KLHL1: variants seen among roughly 807,000 people sequenced by gnomAD.
KLHL1 encodes kelch-like protein 1.
In KLHL1, 47 loss-of-function variants were observed where a neutral mutation model predicts 77.7. That is an observed-to-expected ratio of 0.60 (90% CI 0.48 to 0.77). The LOEUF (loss-of-function observed/expected upper bound fraction) is 0.77. Ranked by LOEUF, KLHL1 falls within the 30% of genes least tolerant of loss-of-function variation. The probability of loss-of-function intolerance (pLI) is 0.00; values close to 1 mark genes in which losing one functional copy is unlikely to be tolerated. For missense variants in KLHL1, 925 were observed against 910.8 expected, an observed-to-expected ratio of 1.02 and a Z score of -0.20; for synonymous variants, 360 against 325.2, an observed-to-expected ratio of 1.11 and a Z score of -1.15.
intron 7 of KLHL1, among the ~76,000 whole-genome samples, chr13:69,780,716 GTATA>G (rs1290786295): frequency 2.7e-4 from 13 of 47,692 alleles, no homozygotes; most frequent in African/African-American, 8.5e-4. Context: ...ATATATATAT[GTATA>G]TATATATATA....
intron 7 of KLHL1, among the ~76,000 whole-genome samples, chr13:69,788,191 G>C (rs1253390906): frequency 6.6e-6 from 1 of 152,158 alleles, no homozygotes; most frequent in African/African-American, 2.4e-5. Context: ...AAATCATGCT[G>C]CTATAAAGAT....
intron 4 of KLHL1, among the ~76,000 whole-genome samples, chr13:69,917,178 T>G (rs935463245): frequency 2.0e-5 from 3 of 152,004 alleles, no homozygotes; most frequent in Non-Finnish European, 4.4e-5. Flanking sequence ...AAAATTTTTA[T>G]GAGAAGTAGA....
intron 3 of KLHL1, among the ~76,000 whole-genome samples, chr13:69,949,438 C>T (rs1415770640): frequency 1.3e-5 from 2 of 151,784 alleles, no homozygotes; most frequent in Non-Finnish European, 2.9e-5. Context: ...GTTTCTGTCT[C>T]ATCCCATGCT....
At chr13:69,841,113 G>C (rs1410647612) in intron 5 of KLHL1, among the ~76,000 whole-genome samples, 1 of 151,628 alleles carries the variant, frequency 6.6e-6, no homozygotes, top group African/African-American at 2.4e-5. Context: ...AGCTTAACTA[G>C]ATAAATAGTT....
chr13:69,896,044 G>C (rs1214194015), intron 4 of KLHL1, among the ~76,000 whole-genome samples: 1 of 151,912 alleles, frequency 6.6e-6, no homozygotes, highest in Non-Finnish European at 1.5e-5. Flanking sequence ...CACATTGCTG[G>C]TAGAATTTGC....
chr13:69,913,393 G>A (rs145288884), intron 4 of KLHL1, among the ~76,000 whole-genome samples: 1 of 152,156 alleles, frequency 6.6e-6, no homozygotes, highest in Non-Finnish European at 1.5e-5. Flanking sequence ...ACTGCTCCTT[G>A]CTCAGCAGGG....
intron 9 of KLHL1, among the ~76,000 whole-genome samples, 160 bp downstream of exon 9, chr13:69,719,209 T>TGTGTGTGTGTGTGTGAGAGA (rs879782405): frequency 5.4e-5 from 2 of 36,864 alleles, no homozygotes; most frequent in Admixed American, 4.7e-4. Flanking sequence ...TGTGTGTGTG[T>TGTGTGTGTGTGTGTGAGAGA]GAGAGAGAGA....
At chr13:69,967,885 C>CA (rs34910448) in intron 2 of KLHL1, among the ~76,000 whole-genome samples, 4,599 of 135,180 alleles carry the variant, frequency 0.034, 232 homozygotes, top group African/African-American at 0.11. Flanking sequence ...GATGCTGAAT[C>CA]AAAAAAAAAA....
intron 8 of KLHL1, among the ~76,000 whole-genome samples, chr13:69,726,978 T>G: frequency 6.6e-6 from 1 of 152,114 alleles, no homozygotes; most frequent in East Asian, 1.9e-4. Context: ...CTGTGGAAAC[T>G]TATCAATGAA....
At chr13:70,001,103 T>C (rs1315705550) in intron 1 of KLHL1, among the ~76,000 whole-genome samples, 1 of 151,284 alleles carries the variant, frequency 6.6e-6, no homozygotes, top group African/African-American at 2.4e-5. Context: ...AAGTAGTATT[T>C]AATTATTTGT....
intron 5 of KLHL1, among the ~76,000 whole-genome samples, chr13:69,843,159 G>A (rs554380935): frequency 6.6e-6 from 1 of 151,684 alleles, no homozygotes; most frequent in African/African-American, 2.4e-5. Flanking sequence ...TAACAAAAAT[G>A]TATTGTTCTC....
At chr13:70,038,694 G>A (rs1324139039) in intron 1 of KLHL1, among the ~76,000 whole-genome samples, 5 of 141,766 alleles carry the variant, frequency 3.5e-5, no homozygotes, top group African/African-American at 1.3e-4. Flanking sequence ...GGGTACAAGT[G>A]AGTCTCCTGC....
At chr13:69,892,714 C>A (rs187806101) in intron 4 of KLHL1, among the ~76,000 whole-genome samples, 2 of 152,180 alleles carry the variant, frequency 1.3e-5, no homozygotes, top group Non-Finnish European at 1.5e-5. Context: ...TTCGGGAAAG[C>A]CTGTTATATG....
At chr13:70,026,928 A>G (rs568746048) in intron 1 of KLHL1, among the ~76,000 whole-genome samples, 38 of 152,252 alleles carry the variant, frequency 2.5e-4, no homozygotes, top group African/African-American at 8.9e-4. Context: ...TGTTTTATCA[A>G]TGTTATAAAA....
chr13:69,777,310 C>T (rs1376793982), intron 7 of KLHL1, among the ~76,000 whole-genome samples: 1 of 152,104 alleles, frequency 6.6e-6, no homozygotes, highest in African/African-American at 2.4e-5. Flanking sequence ...TAGACTAATA[C>T]AGCTCTATTA....
rs140161183 is a variant in KLHL1 at position 70,024,721 on chromosome 13, T to C, written c.498-48919A>G. Among the ~76,000 whole-genome samples the C allele has an allele frequency of 2.8e-3, 423 of 151,672 alleles. 2 individuals are homozygous for C. The highest frequency in any genetic ancestry group is 4.7e-3 in the Non-Finnish European group (316 of 67,786). On this transcript the variant is annotated intron_variant, in intron 1 of 10. Coordinates refer to ENST00000377844, the MANE Select transcript of KLHL1 (RefSeq NM_020866.3). ...CTTTCAGTTTAGGAGGGAACAATTA[T>C]GAACGGAAGTTGGAGAGAAGAACTC...
At chr13:70,075,275 A>G (rs2137422937) in intron 1 of KLHL1, among the ~76,000 whole-genome samples, 1 of 151,974 alleles carries the variant, frequency 6.6e-6, no homozygotes, top group African/African-American at 2.4e-5. Flanking sequence ...GAACTGCACA[A>G]GAGCAAAGGT....
chr13:70,047,477 T>C (rs925369067), intron 1 of KLHL1, among the ~76,000 whole-genome samples: 15 of 152,004 alleles, frequency 9.9e-5, no homozygotes, highest in Admixed American at 9.8e-4. Context: ...AGTAGAAAAC[T>C]TTAGTGGCCA....
At position 69,945,135 on chromosome 13, in the gene KLHL1, G is replaced by A. The variant is rs2501217; in HGVS notation, c.818-4899C>T. 6.5e-3 allele frequency among the ~76,000 whole-genome samples: 987 copies of A among 151,180 alleles called. 15 individuals carry two copies. Among genetic ancestry groups the A allele is most frequent in the African/African-American group, 0.023 (933 of 41,214 alleles). ...CAGGTAGCTGGGATTACAGTCACCC[G>A]CCACCACGCCCAGCTAATTTTTTGT... On this transcript the variant is annotated intron_variant, in intron 3 of 10. Transcript: ENST00000377844.
Sources: allele counts gnomAD v4.1 joint callset (sites outside exome capture counted in the v4.1 genomes callset), GRCh38; gene constraint gnomAD v4.1.1; transcripts MANE v1.5; gene names NCBI Gene and HGNC (gene_info 2026-07-23, HGNC 2026-07-21).